Variants in PLCG2 observed in about 807,000 individuals in gnomAD.
PLCG2 encodes the protein phospholipase C gamma 2.
A neutral mutation model predicts 175.6 loss-of-function variants in PLCG2; 69 were observed. That is an observed-to-expected ratio of 0.39 (90% confidence interval 0.32 to 0.48). PLCG2 has a LOEUF of 0.48. Ranked by LOEUF, PLCG2 falls within the 20% of genes least tolerant of loss-of-function variation. PLCG2 has a pLI of 0.91. For missense variants in PLCG2, 1,798 were observed against 1,650.9 expected, an observed-to-expected ratio of 1.09 and a Z score of -1.54; for synonymous variants, 827 against 624.0, an observed-to-expected ratio of 1.33 and a Z score of -4.85.
chr16:81,792,480 C>CAAAAAAAAAAAAAAAAAAA (rs532680550), intron 2 of PLCG2, among the ~76,000 whole-genome samples: 3 of 70,160 alleles, frequency 4.3e-5, no homozygotes, highest in African/African-American at 1.3e-4. Flanking sequence ...GGCTCTGTCT[C>CAAAAAAAAAAAAAAAAAAA]AAAAAAAAAA....
At chr16:81,933,336 C>T (rs1037035019) in intron 25 of PLCG2, among the ~76,000 whole-genome samples, 1 of 152,182 alleles carries the variant, frequency 6.6e-6, no homozygotes, top group Non-Finnish European at 1.5e-5. Flanking sequence ...AGGCCCCATC[C>T]CACTCTTGGG....
intron 31 of PLCG2, among the ~76,000 whole-genome samples, chr16:81,950,076 A>G (rs1911307656): frequency 6.6e-6 from 1 of 152,216 alleles, no homozygotes; most frequent in South Asian, 2.1e-4. Flanking sequence ...AAAATAATGT[A>G]AAGAATCAGA....
At chr16:81,920,057 T>G (rs535874535) in intron 20 of PLCG2, among the ~76,000 whole-genome samples, 1 of 152,112 alleles carries the variant, frequency 6.6e-6, no homozygotes, top group East Asian at 1.9e-4. Flanking sequence ...TGCGCAAAGG[T>G]CCTGAGGTAG....
intron 19 of PLCG2, among the ~76,000 whole-genome samples, chr16:81,914,987 T>A (rs1909781834): frequency 6.6e-6 from 1 of 152,214 alleles, no homozygotes; most frequent in Non-Finnish European, 1.5e-5. Flanking sequence ...TAAGTCATTG[T>A]AACAATCAAA....
At position 81,889,229 on chromosome 16, in the gene PLCG2, G is replaced by A; in HGVS notation, c.823G>A (p.Asp275Asn). The A allele has an allele frequency of 6.2e-7, 1 of 1,607,036 alleles. No individual in the cohort carries two copies. The highest frequency in any genetic ancestry group is 8.5e-7 in the Non-Finnish European group (1 of 1,176,864). Residue 275 changes from aspartate (D) to asparagine (N), a missense_variant, in exon 10 of 33, where the codon GAC (aspartate) becomes AAC (asparagine). Transcript: ENST00000564138. ...TGAGCGGATGACAAAGTTCATTGAT[G>A]ACACCATGCGTGAAACTGCTGAGCC... The part of the protein sequence containing the change: ...VRERMTKFID[D>N]TMRETAEPFL...
intron 2 of PLCG2, among the ~76,000 whole-genome samples, chr16:81,844,857 C>T (rs759253529): frequency 2.6e-5 from 4 of 152,206 alleles, no homozygotes; most frequent in South Asian, 4.1e-4. Context: ...CACAGGTCAT[C>T]GAGGAGTTTT....
intron 32 of PLCG2, 75 bp from the exon 33 acceptor site, chr16:81,957,881 A>G: frequency 8.5e-6 from 11 of 1,297,760 alleles, no homozygotes; most frequent in Non-Finnish European, 1.2e-5. Flanking sequence ...GTACAGAAAG[A>G]GAAATGTTAC....
Position 81,905,460 on chromosome 16 carries a change from G to C in PLCG2, c.1420G>C (p.Glu474Gln), listed in dbSNP as rs867345397. 6.2e-7 allele frequency: 1 copy of C among 1,614,170 alleles called. No homozygotes were observed. Among genetic ancestry groups the C allele is most frequent in the Non-Finnish European group, 8.5e-7 (1 of 1,180,004 alleles). Reference sequence around the variant, plus strand: ...TGTCAACATGGAGGACAAGAAGGACGAACACAAGCAACAGGGGGAGCTGTA... The same window carrying C: ...TGTCAACATGGAGGACAAGAAGGACCAACACAAGCAACAGGGGGAGCTGTA... ...VDVNMEDKKDEHKQQGELYMW... is the reference protein window; with the variant it reads ...VDVNMEDKKDQHKQQGELYMW... Residue 474 changes from glutamate to glutamine, a missense_variant, in exon 15 of 33, where the codon GAA becomes CAA. By Grantham distance (29) the Glu-to-Gln change is conservative (BLOSUM62 2). Transcript: ENST00000564138.
At chr16:81,915,420 T>C (rs1909799698) in intron 19 of PLCG2, among the ~76,000 whole-genome samples, 1 of 152,150 alleles carries the variant, frequency 6.6e-6, no homozygotes, top group Non-Finnish European at 1.5e-5. Context: ...GTGGAAGGCA[T>C]CTCTTGGGCA....
intron 2 of PLCG2, among the ~76,000 whole-genome samples, chr16:81,761,772 A>G (rs1315783482): frequency 6.6e-6 from 1 of 152,062 alleles, no homozygotes; most frequent in Non-Finnish European, 1.5e-5. Context: ...ACAGAAAAGT[A>G]AAAAGGGTTG....
At position 81,785,982 on chromosome 16, in the gene PLCG2, G is replaced by A. The variant is rs150565405; in HGVS notation, c.-8G>A. ...CCGATTCCTTCCTTCTCCCTGGAGCGGCCGACAATGTCCACCACGGTCAAT... is the reference window on the plus strand; with the variant it reads ...CCGATTCCTTCCTTCTCCCTGGAGCAGCCGACAATGTCCACCACGGTCAAT... On this transcript the variant is annotated 5_prime_UTR_variant, in exon 2 of 33. Coordinates refer to ENST00000564138, the MANE Select transcript of PLCG2 (RefSeq NM_002661.5). The A allele has an allele frequency of 2.0e-4, 315 of 1,610,800 alleles. 1 individual carries two copies. The East Asian group carries it at 2.5e-3, about 13-fold the overall frequency.
Position 81,915,038 on chromosome 16 carries a change from T to C in PLCG2, c.2054+2322T>C, listed in dbSNP as rs530248360. 8.5e-5 allele frequency among the ~76,000 whole-genome samples: 13 copies of C among 152,272 alleles called. No individual in the cohort carries two copies. In the South Asian group the frequency reaches 2.7e-3, roughly 32 times the overall value. ...CCAGGACACACACTTTTTCAAACCCTCTCTGGTCAGGGTATGGGGTGAAGC... is the reference window on the plus strand; with the variant it reads ...CCAGGACACACACTTTTTCAAACCCCCTCTGGTCAGGGTATGGGGTGAAGC... On this transcript the variant is annotated intron_variant, in intron 19 of 32. Coordinates refer to ENST00000564138, the MANE Select transcript of PLCG2 (RefSeq NM_002661.5).
At chr16:81,751,759 C>G (rs961674976) in intron 1 of PLCG2, among the ~76,000 whole-genome samples, 2 of 152,132 alleles carry the variant, frequency 1.3e-5, no homozygotes, top group Admixed American at 1.3e-4. Flanking sequence ...CAGTGGCTCA[C>G]AGCTGTAATC....
At chr16:81,924,595 C>T (rs34782773) in intron 22 of PLCG2, among the ~76,000 whole-genome samples, 6,116 of 152,324 alleles carry the variant, frequency 0.04, 182 homozygotes, top group Non-Finnish European at 0.064. Flanking sequence ...ACTCTTAACT[C>T]CATTCATCTG....
Position 81,745,016 on chromosome 16 carries a change from T to C in PLCG2, c.-145+5631T>C, listed in dbSNP as rs113387677. On this transcript the variant is annotated intron_variant, in intron 1 of 5. Transcript: ENST00000565054. Reference sequence around the variant, plus strand: ...CTCCAACCCTGGACTTTAAAAATAATGTTATGCAGTGGAACCTTTTTCCTG... The same window carrying C: ...CTCCAACCCTGGACTTTAAAAATAACGTTATGCAGTGGAACCTTTTTCCTG... Among the ~76,000 whole-genome samples the C allele has an allele frequency of 4.0e-3, 611 of 152,332 alleles. 4 individuals carry two copies. The highest frequency in any genetic ancestry group is 0.014 in the African/African-American group (583 of 41,576).
chr16:81,758,714 G>A (rs1168811858), intron 2 of PLCG2, among the ~76,000 whole-genome samples: 1 of 143,382 alleles, frequency 7.0e-6, no homozygotes, highest in East Asian at 2.0e-4. Flanking sequence ...GTCTCACTCT[G>A]TTGCCCAGGC....
chr16:81,836,939 A>T (rs1039000378), intron 2 of PLCG2, among the ~76,000 whole-genome samples: 2 of 152,174 alleles, frequency 1.3e-5, no homozygotes, highest in Non-Finnish European at 2.9e-5. Flanking sequence ...GTTTCTGTGC[A>T]TGTGGTTTCC....
intron 2 of PLCG2, chr16:81,798,826 C>G (rs528098159): frequency 6.6e-6 from 1 of 152,460 alleles, no homozygotes; most frequent in Non-Finnish European, 1.5e-5. Context: ...GCTGGCCTCC[C>G]CGGCCTCAGG....
chr16:81,740,750 A>AAC lies in PLCG2; in HGVS notation c.-145+1366_-145+1367insCA, dbSNP rs1385649086. ...AAAAAAAAAAAAAAAAAAAAAAAAA[A>AAC]AAAAAAAAAACCGAAACCAAACCAA... On this transcript the variant is annotated intron_variant, in intron 1 of 5. Coordinates refer to the PLCG2 transcript ENST00000565054. Among the ~76,000 whole-genome samples, 335 of 145,084 alleles carry AAC rather than the reference A, an allele frequency of 2.3e-3. 8 individuals are homozygous for AAC. The highest frequency in any genetic ancestry group is 3.7e-3 in the Middle Eastern group (1 of 270).
Sources: allele counts gnomAD v4.1 joint callset (sites outside exome capture counted in the v4.1 genomes callset), GRCh38; gene constraint gnomAD v4.1.1; transcripts MANE v1.5; gene names NCBI Gene and HGNC (gene_info 2026-07-23, HGNC 2026-07-21).